Variants in FEZF2 observed in about 807,000 individuals in gnomAD.
FEZF2 encodes FEZ family zinc finger 2.
FEZF2 carries 2 observed loss-of-function variants against 32.8 expected under a neutral mutation model. The ratio of observed to expected loss-of-function variants is 0.06; its 90% CI spans 0.02 to 0.19. FEZF2 has a LOEUF of 0.19. Ranked by LOEUF, FEZF2 falls within the 10% of genes least tolerant of loss-of-function variation. The probability of loss-of-function intolerance (pLI) is 1.00; values close to 1 mark genes in which losing one functional copy is unlikely to be tolerated. For synonymous variants in FEZF2, 322 were observed against 284.8 expected (o/e 1.13, Z -1.32); for missense variants, 516 against 625.4 (o/e 0.83, Z 1.87).
At position 62,372,521 on chromosome 3, in the gene FEZF2, CCCGCCGCCGCCGCCGCCA is replaced by C. The variant is rs751798599; in HGVS notation, c.330_347del (p.Gly112_Gly117del). 35 of 1,294,676 alleles carry C rather than the reference CCCGCCGCCGCCGCCGCCA, an allele frequency of 2.7e-5. 4 individuals are homozygous for C. Among genetic ancestry groups the C allele is most frequent in the Middle Eastern group, 2.4e-4 (1 of 4,198 alleles). 80.2% of individuals were successfully genotyped at this position (1,294,676 alleles called of 1,614,324 possible). ...CGCTGGCGCCGCACACTGGGGCCCC[CCCGCCGCCGCCGCCGCCA>C]CCGCCGCCGCCGCCTCCGCCGCCGC... On this transcript the variant is annotated inframe_deletion, in exon 2 of 5. Coordinates refer to ENST00000283268, the MANE Select transcript of FEZF2 (RefSeq NM_018008.4). The surrounding 1 kb of genome is among the most constrained non-coding windows in gnomAD (Gnocchi z 9.6).
At chr3:62,371,849 ATCCCCATTT>A (rs1238746128) in intron 2 of FEZF2, among the ~76,000 whole-genome samples, 159 bp downstream of exon 2, 2 of 152,200 alleles carry the variant, frequency 1.3e-5, no homozygotes, top group Non-Finnish European at 2.9e-5. Context: ...TGACAAGGGC[ATCCCCATTT>A]TACAGAATAG....
At position 62,372,058 on chromosome 3, in the gene FEZF2, C is replaced by G. The variant is rs1228851762; in HGVS notation, c.811G>C (p.Asp271His). 2 of 1,609,282 alleles carry G rather than the reference C, an allele frequency of 1.2e-6. No individual in the cohort carries two copies. Among genetic ancestry groups the G allele is most frequent in the Non-Finnish European group, 1.7e-6 (2 of 1,179,254 alleles). Residue 271 changes from aspartate (D) to histidine (H), a missense_variant, in exon 2 of 5, where the codon GAT (aspartate) becomes CAT (histidine). This residue lies in a region of FEZF2 where 408 missense variants were observed against 382.2 expected (regional missense o/e 1.07). Transcript: ENST00000283268. This position sits in a 1 kb window ranked among gnomAD's most constrained non-coding sequence, Gnocchi z 9.6. Reference protein sequence around the residue: ...GHSKLPGGSADGKPKNFTCEV... With the variant: ...GHSKLPGGSAHGKPKNFTCEV... ...CAGGTGAAGTTTTTGGGCTTGCCAT[C>G]TGCGGAGCCTCCTGGCAGCTTGCTG...
At position 62,371,589 on chromosome 3, in the gene FEZF2, C is replaced by A; in HGVS notation, c.931G>T (p.Gly311Cys). The A allele has an allele frequency of 6.2e-7, 1 of 1,614,156 alleles. No individual in the cohort carries two copies. ...GARPFVCKVC[G>C]KGFRQASTLC... ...GTGCTGGCCTGGCGAAAGCCTTTGCCGCAGACTTTGCACACGAACGGTCTG... is the reference window on the plus strand; with the variant it reads ...GTGCTGGCCTGGCGAAAGCCTTTGCAGCAGACTTTGCACACGAACGGTCTG... Residue 311 changes from glycine (G) to cysteine (C), a missense_variant, in exon 3 of 5, where the codon GGC becomes TGC. Gly to Cys is a radical substitution (Grantham distance 159). Coordinates refer to ENST00000283268, the MANE Select transcript of FEZF2 (RefSeq NM_018008.4).
Position 62,372,376 on chromosome 3 carries a change from C to T in FEZF2, c.493G>A (p.Ala165Thr), listed in dbSNP as rs372346060. ...TTGAAGTAGTAGAGCGAGCCGCTGG[C>T]CGGCAGCCCCACAGCCTGGTTGATG... ...QVINQAVGLP[A>T]SGSLYYFNYL... The change falls in exon 2 of 5, where the codon GCC becomes ACC. Residue 165 changes from alanine to threonine, a missense_variant. Physicochemically the swap from Ala to Thr is moderately conservative, Grantham distance 58. Around this residue, in one of 3 missense-constraint regions of FEZF2, gnomAD observed 408 missense variants for 382.2 expected, o/e 1.07. Transcript: ENST00000283268. The surrounding 1 kb of genome is among the most constrained non-coding windows in gnomAD (Gnocchi z 9.6). 3.9e-5 allele frequency: 63 copies of T among 1,611,182 alleles called. No individual in the cohort carries two copies. The African/African-American group carries it at 4.3e-4, about 11-fold the overall frequency.
chr3:62,371,927 G>C, intron 2 of FEZF2, 90 bp downstream of exon 2: 1 of 1,508,184 alleles, frequency 6.6e-7, no homozygotes, highest in Non-Finnish European at 8.8e-7. Flanking sequence ...GAGCTCCTCA[G>C]CTTGAAAAAG....
intron 2 of FEZF2, 81 bp downstream of exon 2, chr3:62,371,936 A>AG (rs927084582): frequency 6.6e-7 from 1 of 1,522,014 alleles, no homozygotes; most frequent in African/African-American, 1.4e-5. Flanking sequence ...AGCTTGAAAA[A>AG]GGGGCATTCC....
rs1456031867 is a variant in FEZF2, at chr3:62,371,366, G to A, written c.988-17C>T. On this transcript the variant is annotated splice_polypyrimidine_tract_variant and intron_variant, in intron 3 of 4. Transcript: ENST00000283268. ...TGGCTTTTCCTGAGGAAAGGGGCGA[G>A]TGCACAGTAAGGAGAGGCCACCTCG... The A allele has an allele frequency of 3.1e-6, 5 of 1,611,728 alleles. No individual in the cohort carries two copies. Among genetic ancestry groups the A allele is most frequent in the South Asian group, 2.2e-5 (2 of 90,654 alleles).
rs751724960 is a variant in FEZF2, at chr3:62,372,705, G to T, written c.164C>A (p.Ala55Glu). The T allele has an allele frequency of 2.4e-5, 39 of 1,608,518 alleles. No homozygotes were observed. Among genetic ancestry groups the T allele is most frequent in the Non-Finnish European group, 2.9e-5 (34 of 1,177,520 alleles). ...PFEPRPGALE[A>E]DGSQGKKLLN... is the part of the protein sequence containing the mutation. Reference sequence around the variant, plus strand: ...CAGTTTCTTGCCCTGGCTGCCGTCCGCCTCTAGCGCTCCAGGCCGGGGCTC... The same window carrying T: ...CAGTTTCTTGCCCTGGCTGCCGTCCTCCTCTAGCGCTCCAGGCCGGGGCTC... Residue 55 changes from alanine (A) to glutamate (E), a missense_variant, in exon 2 of 5, where the codon GCG (alanine) becomes GAG (glutamate). Around this residue, in one of 3 missense-constraint regions of FEZF2, gnomAD observed 408 missense variants for 382.2 expected, o/e 1.07. Transcript: ENST00000283268. The surrounding 1 kb of genome is among the most constrained non-coding windows in gnomAD (Gnocchi z 9.6).
Position 62,370,057 on chromosome 3 carries a change from G to A in FEZF2, c.*26C>T, listed in dbSNP as rs1380885929. 5.0e-6 allele frequency: 8 copies of A among 1,610,592 alleles called. No individual in the cohort carries two copies. The highest frequency in any genetic ancestry group is 1.3e-5 in the African/African-American group (1 of 74,940). ...GATCTGTTTTCAGGTGGTACAGGGA[G>A]GGAAGGAAGGGCAAGGCAGTAGCTC... On this transcript the variant is annotated 3_prime_UTR_variant, in exon 5 of 5. Transcript: ENST00000283268. This position sits in a 1 kb window ranked among gnomAD's most constrained non-coding sequence, Gnocchi z 4.2.
intron 2 of FEZF2, 52 bp downstream of exon 2, chr3:62,371,962 AGCC>A: frequency 2.6e-6 from 4 of 1,567,964 alleles, no homozygotes; most frequent in Non-Finnish European, 3.4e-6. Context: ...GCCCCAAGGA[AGCC>A]GCCGCCGCCG....
Position 62,370,468 on chromosome 3 carries a change from A to AC in FEZF2, c.1121-127dup, listed in dbSNP as rs1231838841. The stretch of plus-strand genomic sequence containing the variant: ...GGCGACGCTTGGCTAGGCGGGCGCG[A>AC]CCTCTTCGAGTGAAGAAGTTGTCAA... On this transcript the variant is annotated intron_variant, in intron 4 of 4. Transcript: ENST00000283268. The surrounding 1 kb of genome is among the most constrained non-coding windows in gnomAD (Gnocchi z 4.2). 2.5e-5 allele frequency: 25 copies of AC among 982,446 alleles called. No individual in the cohort carries two copies. Among genetic ancestry groups the AC allele is most frequent in the Non-Finnish European group, 3.2e-5 (21 of 656,332 alleles). 60.9% of individuals were successfully genotyped at this position (982,446 alleles called of 1,614,324 possible).
Position 62,370,405 on chromosome 3 carries a change from G to A in FEZF2, c.1121-63C>T, listed in dbSNP as rs922132772. The A allele has an allele frequency of 1.3e-6, 2 of 1,570,034 alleles. No homozygotes were observed. The highest frequency in any genetic ancestry group is 1.7e-6 in the Non-Finnish European group (2 of 1,150,068). On this transcript the variant is annotated intron_variant, in intron 4 of 4. Transcript: ENST00000283268. The surrounding 1 kb of genome is among the most constrained non-coding windows in gnomAD (Gnocchi z 4.2). ...AGTAGAATGGTGGGGAGGAAGAGGC[G>A]GGCGTCCCAGGGGCAGCCCAGGTGC... is the stretch of plus-strand genomic sequence containing the variant.
chr3:62,372,231 A>G lies in FEZF2; in HGVS notation c.638T>C (p.Leu213Pro), dbSNP rs1704282157. The G allele has an allele frequency of 1.3e-6, 2 of 1,576,758 alleles. No individual in the cohort carries two copies. Among genetic ancestry groups the G allele is most frequent in the Non-Finnish European group, 1.7e-6 (2 of 1,161,118 alleles). ...CAGGCCGGCCAGCTTGGCGTTCTCC[A>G]GCAGAAAGAGCTTGGGGTGAGCAGC... ...ALAAHPKLFL[L>P]ENAKLAGLAA... is the part of the protein sequence containing the mutation. Residue 213 changes from leucine (L) to proline (P), a missense_variant, in exon 2 of 5, where the codon CTG becomes CCG. Leu to Pro is a moderately conservative substitution (Grantham distance 98, BLOSUM62 -3). Transcript: ENST00000283268. The surrounding 1 kb of genome is among the most constrained non-coding windows in gnomAD (Gnocchi z 9.6).
Position 62,373,529 on chromosome 3 carries a change from C to G in FEZF2, c.-309G>C, listed in dbSNP as rs950146223. 5 of 152,352 alleles carry G rather than the reference C, an allele frequency of 3.3e-5. No homozygotes were observed. The highest frequency in any genetic ancestry group is 5.9e-5 in the Non-Finnish European group (4 of 68,024). 9.4% of individuals were successfully genotyped at this position (152,352 alleles called of 1,614,324 possible). A position where few individuals can be genotyped will look rare whatever the true frequency, so the allele number is the denominator to read the frequency against. ...AAACTTTAAAAGGAGGCAACTGGCG[C>G]CCGCGCTCCTCTCGGGAAAGTGCGA... is the stretch of plus-strand genomic sequence containing the variant. On this transcript the variant is annotated 5_prime_UTR_variant, in exon 1 of 5. Transcript: ENST00000283268. This position sits in a 1 kb window ranked among gnomAD's most constrained non-coding sequence, Gnocchi z 5.5.
At position 62,370,299 on chromosome 3, in the gene FEZF2, C is replaced by T. The variant is rs935576319; in HGVS notation, c.1164G>A (p.Gln388=). ...CCTTGTTGCAGATGGTACATTTGTA[C>T]TGCTTCTCGCCGCTGTGGGTCAGCT... ...NHKLTHSGEK[Q]YKCTICNKAF... The change falls in exon 5 of 5, where the codon CAG becomes CAA. Residue 388 remains glutamine, a synonymous_variant. Transcript: ENST00000283268. The surrounding 1 kb of genome is among the most constrained non-coding windows in gnomAD (Gnocchi z 4.2). 1.2e-6 allele frequency: 2 copies of T among 1,614,108 alleles called. No homozygotes were observed. The highest frequency in any genetic ancestry group is 8.5e-7 in the Non-Finnish European group (1 of 1,180,050).
rs1252265627 is a variant in FEZF2, at chr3:62,373,409, G to A, written c.-189C>T. The A allele has an allele frequency of 6.5e-6, 1 of 152,774 alleles. No individual in the cohort carries two copies. Among genetic ancestry groups the A allele is most frequent in the Non-Finnish European group, 1.5e-5 (1 of 68,190 alleles). 9.5% of individuals were successfully genotyped at this position (152,774 alleles called of 1,614,324 possible). On this transcript the variant is annotated 5_prime_UTR_variant, in exon 1 of 5. Coordinates refer to ENST00000283268, the MANE Select transcript of FEZF2 (RefSeq NM_018008.4). The surrounding 1 kb of genome is among the most constrained non-coding windows in gnomAD (Gnocchi z 5.5). The stretch of plus-strand genomic sequence containing the variant: ...TTACATTCAGCTGACATCACATGAA[G>A]TCACTTGAAGTGGAATGACATGGGC...
rs775520603 is a variant in FEZF2 at position 62,372,293 on chromosome 3, C to A, written c.576G>T (p.Pro192=). Reference sequence around the variant, plus strand: ...GGGCCTGCGCATTGAGGAGGCCAGACGGGAAGAGGTGGCCGCTGAGGAGCT... The same window carrying A: ...GGGCCTGCGCATTGAGGAGGCCAGAAGGGAAGAGGTGGCCGCTGAGGAGCT... The part of the protein sequence containing the change: ...PSELLSGHLF[P]SGLLNAQAPA... The change falls in exon 2 of 5, where the codon CCG becomes CCT. Residue 192 remains proline, a synonymous_variant. Coordinates refer to ENST00000283268, the MANE Select transcript of FEZF2 (RefSeq NM_018008.4). This position sits in a 1 kb window ranked among gnomAD's most constrained non-coding sequence, Gnocchi z 9.6. The A allele has an allele frequency of 1.2e-6, 2 of 1,603,914 alleles. No individual in the cohort carries two copies. Among genetic ancestry groups the A allele is most frequent in the Admixed American group, 1.7e-5 (1 of 58,936 alleles).
Position 62,372,140 on chromosome 3 carries a change from C to T in FEZF2, c.729G>A (p.Glu243=), listed in dbSNP as rs367777504. The change falls in exon 2 of 5, where the codon GAG becomes GAA. Residue 243 remains glutamate (E), a synonymous_variant. Coordinates refer to ENST00000283268, the MANE Select transcript of FEZF2 (RefSeq NM_018008.4). The surrounding 1 kb of genome is among the most constrained non-coding windows in gnomAD (Gnocchi z 9.6). ...GGGCCGAGTTTTCCTTCAGTACCTGCTCCAGCGGCGCCGGCAAGCGCTCCT... is the reference window on the plus strand; with the variant it reads ...GGGCCGAGTTTTCCTTCAGTACCTGTTCCAGCGGCGCCGGCAAGCGCTCCT... The part of the protein sequence containing the change: ...PHKERLPAPL[E]QVLKENSALT... 119 of 1,595,744 alleles carry T rather than the reference C, an allele frequency of 7.5e-5. No homozygotes were observed. The highest frequency in any genetic ancestry group is 9.6e-5 in the Non-Finnish European group (112 of 1,171,566).
chr3:62,371,437 A>AG, intron 3 of FEZF2, 88 bp from the exon 4 acceptor site: 1 of 1,577,558 alleles, frequency 6.3e-7, no homozygotes, highest in Non-Finnish European at 8.6e-7. Flanking sequence ...TCAACCCTAG[A>AG]GGGTAAGGGA....
Sources: gnomAD v4.1 joint callset for allele counts (sites outside exome capture counted in the v4.1 genomes callset) on GRCh38, gnomAD v4.1.1 for gene constraint, gnomAD v4.1.1 regional missense constraint, Gnocchi (gnomAD v3.1) non-coding constraint, MANE v1.5 for transcripts, NCBI Gene and HGNC (gene_info 2026-07-23, HGNC 2026-07-21) for gene names.